ADGRV1: variants seen among roughly 807,000 people sequenced by gnomAD.
ADGRV1 encodes the protein adhesion G protein-coupled receptor V1.
Under a neutral mutation model 596.2 loss-of-function variants are expected in ADGRV1, and 359 were observed. The ratio of observed to expected loss-of-function variants is 0.60; its 90% CI spans 0.55 to 0.66. ADGRV1 has a LOEUF of 0.66. ADGRV1 is among the 30% of genes least tolerant of loss of function. The pLI, the probability that ADGRV1 is intolerant of heterozygous loss-of-function variation, is 0.00. For missense variants in ADGRV1, 7,274 were observed against 7,575.6 expected (o/e 0.96, Z 1.48); for synonymous variants, 2,681 against 2,679.2 (o/e 1.00, Z -0.02).
intron 83 of ADGRV1, among the ~76,000 whole-genome samples, chr5:90,904,171 A>C (rs1772106462): frequency 6.6e-6 from 1 of 152,084 alleles, no homozygotes. Context: ...ATTGATGTAC[A>C]CTTAGGTTAC....
chr5:91,128,956 C>T (rs1256795333), intron 87 of ADGRV1, among the ~76,000 whole-genome samples: 4 of 152,230 alleles, frequency 2.6e-5, no homozygotes, highest in Admixed American at 2.0e-4. Context: ...AGCCAAAAGC[C>T]GTAGTGTAAA....
At chr5:91,124,697 T>C (rs1793600913) in intron 87 of ADGRV1, among the ~76,000 whole-genome samples, 1 of 152,204 alleles carries the variant, frequency 6.6e-6, no homozygotes, top group Non-Finnish European at 1.5e-5. Flanking sequence ...TGTGGAAGTA[T>C]TCCTCAAAAA....
intron 83 of ADGRV1, among the ~76,000 whole-genome samples, chr5:90,918,529 A>T (rs1408950369): frequency 1.3e-5 from 2 of 152,214 alleles, no homozygotes; most frequent in African/African-American, 4.8e-5. Context: ...GAATGTACAT[A>T]TATCTGAGCT....
At chr5:90,618,999 T>C (rs1763712935) in intron 3 of ADGRV1, 87 bp from the exon 4 acceptor site, 4 of 581,294 alleles carry the variant, frequency 6.9e-6, no homozygotes, top group Non-Finnish European at 1.1e-5. Flanking sequence ...TCTGAATAAC[T>C]ACTTGAAGAC....
intron 17 of ADGRV1, among the ~76,000 whole-genome samples, chr5:90,650,993 T>C (rs541795705): frequency 6.6e-6 from 1 of 152,138 alleles, no homozygotes; most frequent in Admixed American, 6.5e-5. Flanking sequence ...AGAGACCCAA[T>C]GTGTAGGCAA....
chr5:90,638,816 A>G (rs769865984), intron 11 of ADGRV1, among the ~76,000 whole-genome samples: 11 of 152,190 alleles, frequency 7.2e-5, no homozygotes, highest in Non-Finnish European at 1.5e-4. Context: ...GGATCTCTCT[A>G]TAACAGTGTC....
At chr5:91,052,427 T>C (rs1247243363) in intron 85 of ADGRV1, among the ~76,000 whole-genome samples, 2 of 151,850 alleles carry the variant, frequency 1.3e-5, no homozygotes, top group Non-Finnish European at 2.9e-5. Context: ...TGAAAACCTC[T>C]GCATATTTCT....
At chr5:90,697,274 A>G (rs1747316795) in intron 34 of ADGRV1, 128 bp downstream of exon 34, 2 of 814,610 alleles carry the variant, frequency 2.5e-6, no homozygotes, top group Admixed American at 2.7e-5. Context: ...GTTAATCTGC[A>G]TAGAACTTCT....
At chr5:90,784,087 A>G (rs770157785) in intron 67 of ADGRV1, 30 bp downstream of exon 67, 23 of 1,410,562 alleles carry the variant, frequency 1.6e-5, no homozygotes, top group Non-Finnish European at 2.0e-5. Context: ...GACTTTAAAT[A>G]TAATTTTTGA....
At chr5:90,832,176 C>A (rs1358293776) in intron 77 of ADGRV1, among the ~76,000 whole-genome samples, 4 of 152,088 alleles carry the variant, frequency 2.6e-5, no homozygotes, top group African/African-American at 9.7e-5. Flanking sequence ...TGAGGAATCT[C>A]CAAACTTCTC....
At chr5:91,130,402 GGCA>G (rs1794111596) in intron 87 of ADGRV1, among the ~76,000 whole-genome samples, 1 of 151,166 alleles carries the variant, frequency 6.6e-6, no homozygotes, top group South Asian at 2.1e-4. Context: ...CGTGGTGGTG[GGCA>G]GCTCTACTTG....
At chr5:90,783,633 A>G (rs1003375127) in intron 66 of ADGRV1, among the ~76,000 whole-genome samples, 4 of 152,216 alleles carry the variant, frequency 2.6e-5, no homozygotes, top group East Asian at 1.9e-4. Flanking sequence ...AAAAGAGGGC[A>G]AGAAAGTCCC....
chr5:91,023,792 A>G (rs150418962), intron 85 of ADGRV1, among the ~76,000 whole-genome samples: 1 of 152,258 alleles, frequency 6.6e-6, no homozygotes, highest in East Asian at 1.9e-4. Context: ...CAAGAGATAG[A>G]TGAAAAACAG....
In ADGRV1 at chr5:90,628,848, T is replaced by C. The variant is rs764631750; in HGVS notation, c.1509+16T>C. ...GCCAGCGGAGGTATAACCCTTGTTA[T>C]GCTTTATGCTTGTTAATATTTCTGT... is the stretch of plus-strand genomic sequence containing the variant. On this transcript the variant is annotated intron_variant, in intron 8 of 89. Coordinates refer to ENST00000405460, the MANE Select transcript of ADGRV1 (RefSeq NM_032119.4). 12 of 1,606,778 alleles carry C rather than the reference T, an allele frequency of 7.5e-6. No homozygotes were observed. Among genetic ancestry groups the C allele is most frequent in the Non-Finnish European group, 9.4e-6 (11 of 1,175,208 alleles).
chr5:90,999,684 CAA>C (rs1400578485), intron 85 of ADGRV1, among the ~76,000 whole-genome samples: 1 of 151,936 alleles, frequency 6.6e-6, no homozygotes, highest in Non-Finnish European at 1.5e-5. Flanking sequence ...CTCTATAATG[CAA>C]AGTTTTTTTC....
intron 83 of ADGRV1, among the ~76,000 whole-genome samples, chr5:90,913,715 T>C (rs1027061583): frequency 7.9e-5 from 12 of 152,208 alleles, no homozygotes; most frequent in Non-Finnish European, 1.6e-4. Context: ...TTTCTAAATA[T>C]AATCACAAAG....
chr5:90,622,441 G>A (rs1434270651), intron 4 of ADGRV1, among the ~76,000 whole-genome samples, 156 bp from the exon 5 acceptor site: 1 of 152,154 alleles, frequency 6.6e-6, no homozygotes, highest in African/African-American at 2.4e-5. Context: ...GCATTTTAAA[G>A]CTATAGTTCA....
chr5:90,720,314 C>T, intron 44 of ADGRV1, 91 bp downstream of exon 44: 1 of 758,958 alleles, frequency 1.3e-6, no homozygotes, highest in African/African-American at 1.8e-5. Context: ...AAATTGATAT[C>T]TGATTATTTT....
intron 20 of ADGRV1, chr5:90,654,373 C>T (rs910432226): frequency 3.3e-5 from 7 of 212,980 alleles, no homozygotes; most frequent in South Asian, 1.5e-4. Flanking sequence ...TTCAGTATTG[C>T]TGAAGGTAGA....
Sources: gnomAD v4.1 joint callset for allele counts (sites outside exome capture counted in the v4.1 genomes callset) on GRCh38, gnomAD v4.1.1 for gene constraint, MANE v1.5 for transcripts, NCBI Gene and HGNC (gene_info 2026-07-23, HGNC 2026-07-21) for gene names.